HERC2: variants seen among roughly 807,000 people sequenced by gnomAD.
The protein encoded by HERC2 is HECT and RLD domain containing E3 ubiquitin protein ligase 2.
HERC2 carries 102 observed loss-of-function variants against 537.7 expected under a neutral mutation model. That is an observed-to-expected ratio of 0.19 (90% CI 0.16 to 0.22). The LOEUF is 0.22. Ranked by LOEUF, HERC2 falls within the 10% of genes least tolerant of loss-of-function variation. The pLI is 1.00. For missense variants in HERC2, 4,236 were observed against 6,198.2 expected (o/e 0.68, Z 10.63); for synonymous variants, 2,224 against 2,466.2 (o/e 0.90, Z 2.91).
At chr15:28,116,634 C>T (rs577747543) in intron 88 of HERC2, 31 bp downstream of exon 88, 15 of 1,576,484 alleles carry the variant, frequency 9.5e-6, no homozygotes, top group East Asian at 6.7e-5. Context: ...CAGGCCACAG[C>T]GACACAGTCT....
chr15:28,162,655 T>G (rs1007708073), intron 69 of HERC2, among the ~76,000 whole-genome samples: 3 of 152,086 alleles, frequency 2.0e-5, no homozygotes, highest in African/African-American at 7.2e-5. Context: ...TTTGGGAGGC[T>G]GAGGCAGGTG....
chr15:28,149,365 C>A (rs112329737), intron 70 of HERC2, among the ~76,000 whole-genome samples: 3 of 149,422 alleles, frequency 2.0e-5, no homozygotes, highest in African/African-American at 7.5e-5. Flanking sequence ...AAAAAACACA[C>A]GCGGCTCCTA....
intron 10 of HERC2, 58 bp downstream of exon 10, chr15:28,270,637 A>G (rs1342231452): frequency 1.1e-5 from 17 of 1,531,610 alleles, no homozygotes; most frequent in Admixed American, 1.1e-4. Flanking sequence ...CCAGGATGAG[A>G]ACCTACAAGT....
chr15:28,224,370 C>T (rs1489601490), intron 35 of HERC2, among the ~76,000 whole-genome samples: 2 of 152,090 alleles, frequency 1.3e-5, no homozygotes, highest in Admixed American at 6.6e-5. Context: ...CATAGGCACA[C>T]ACCACTATGC....
chr15:28,254,344 G>C lies in HERC2; in HGVS notation c.3046C>G (p.Leu1016Val), dbSNP rs1483713921. Reference sequence around the variant, plus strand: ...AATACAGCTACTACGATTTACCTAAGAAGCTGTTGTATGAGCTGAACCAGA... The same window carrying C: ...AATACAGCTACTACGATTTACCTAACAAGCTGTTGTATGAGCTGAACCAGA... ...LPLVQLIQQL[L>V]RNIASQTVAR... is the part of the protein sequence containing the mutation. Residue 1016 changes from leucine to valine, a missense_variant, in exon 20 of 93, where the codon CTT (leucine) becomes GTT (valine). Transcript: ENST00000261609. 1 of 1,578,590 alleles carries C rather than the reference G, an allele frequency of 6.3e-7. No individual in the cohort carries two copies. Among genetic ancestry groups the C allele is most frequent in the East Asian group, 2.2e-5 (1 of 44,550 alleles).
chr15:28,129,552 G>C (rs978849123), intron 83 of HERC2, among the ~76,000 whole-genome samples: 1 of 152,218 alleles, frequency 6.6e-6, no homozygotes, highest in Non-Finnish European at 1.5e-5. Flanking sequence ...AGGGAACAGG[G>C]GATCCCTCCC....
intron 44 of HERC2, among the ~76,000 whole-genome samples, chr15:28,209,094 A>G (rs1314858469): frequency 2.0e-5 from 3 of 152,182 alleles, no homozygotes; most frequent in Admixed American, 2.0e-4. Flanking sequence ...CTGGGTCACT[A>G]TTTCACTAAA....
intron 79 of HERC2, among the ~76,000 whole-genome samples, chr15:28,134,286 T>C (rs550791365): frequency 1.0e-3 from 158 of 152,380 alleles, no homozygotes; most frequent in African/African-American, 3.5e-3. Flanking sequence ...TGTATACGTA[T>C]AGATGTACAA....
At chr15:28,267,956 G>T (rs565604301) in intron 12 of HERC2, among the ~76,000 whole-genome samples, 48 of 152,344 alleles carry the variant, frequency 3.2e-4, no homozygotes, top group African/African-American at 1.1e-3. Flanking sequence ...ACTCCATGGG[G>T]CTGGCAGACC....
intron 5 of HERC2, among the ~76,000 whole-genome samples, chr15:28,276,496 C>A (rs2075878298): frequency 6.6e-6 from 1 of 152,098 alleles, no homozygotes; most frequent in African/African-American, 2.4e-5. Context: ...CAAGTGTGGT[C>A]AGAGGAGGTG....
chr15:28,150,452 A>AGT (rs1892321830), intron 70 of HERC2, among the ~76,000 whole-genome samples: 3 of 151,960 alleles, frequency 2.0e-5, no homozygotes, highest in Admixed American at 6.6e-5. Context: ...CGGCCACACG[A>AGT]ACGTACATTC....
At chr15:28,262,754 G>C (rs2075448811) in intron 15 of HERC2, among the ~76,000 whole-genome samples, 164 bp downstream of exon 15, 1 of 152,200 alleles carries the variant, frequency 6.6e-6, no homozygotes, top group Admixed American at 6.5e-5. Flanking sequence ...TACCAAGCAG[G>C]CAGTAAAAGT....
At position 28,257,565 on chromosome 15, in the gene HERC2, G is replaced by A. The variant is rs566358210; in HGVS notation, c.2317-304C>T. On this transcript the variant is annotated intron_variant, in intron 16 of 92. Transcript: ENST00000261609. Reference sequence around the variant, plus strand: ...TGGCAGTGAGGATCTCCATCCACTTGAAGTGGTATAATAGCAACTCTAACT... The same window carrying A: ...TGGCAGTGAGGATCTCCATCCACTTAAAGTGGTATAATAGCAACTCTAACT... 2.2e-4 allele frequency among the ~76,000 whole-genome samples: 34 copies of A among 152,264 alleles called. No homozygotes were observed. The South Asian group carries it at 3.5e-3, about 16-fold the overall frequency.
intron 2 of HERC2, among the ~76,000 whole-genome samples, chr15:28,316,484 A>G (rs1248461726): frequency 1.3e-5 from 2 of 151,966 alleles, no homozygotes; most frequent in Non-Finnish European, 1.5e-5. Flanking sequence ...TACAAAAAAA[A>G]ATTTTTTTGC....
In HERC2 at chr15:28,126,031, C is replaced by T. The variant is rs562972104; in HGVS notation, c.12803-838G>A. ...TTCACCATGTGGGTCAGGCTGGTCT[C>T]GAACTCCTGACTTGGTGATCCACCT... is the stretch of plus-strand genomic sequence containing the variant. On this transcript the variant is annotated intron_variant, in intron 83 of 92. Transcript: ENST00000261609. Among the ~76,000 whole-genome samples the T allele has an allele frequency of 3.9e-5, 6 of 152,208 alleles. No individual in the cohort carries two copies. In the South Asian group the frequency reaches 1.0e-3, roughly 26 times the overall value.
In HERC2 at chr15:28,316,696, A is replaced by T. The variant is rs1341806894; in HGVS notation, c.72+4666T>A. On this transcript the variant is annotated intron_variant, in intron 2 of 92. Transcript: ENST00000261609. ...ACAAATTCTTTTATTTCTACATGTCATCTATCAACTGGATTATGAACCTGA... is the reference window on the plus strand; with the variant it reads ...ACAAATTCTTTTATTTCTACATGTCTTCTATCAACTGGATTATGAACCTGA... Among the ~76,000 whole-genome samples, 10 of 152,346 alleles carry T rather than the reference A, an allele frequency of 6.6e-5. No homozygotes were observed. The East Asian group carries it at 1.7e-3, about 26-fold the overall frequency.
At chr15:28,210,261 G>A (rs1244530691) in intron 44 of HERC2, among the ~76,000 whole-genome samples, 1 of 152,098 alleles carries the variant, frequency 6.6e-6, no homozygotes, top group Non-Finnish European at 1.5e-5. Context: ...AGCCTCCCAA[G>A]TAGCTAGAAC....
chr15:28,215,837 G>C (rs1325194478), intron 38 of HERC2, 35 bp from the exon 39 acceptor site: 4 of 1,306,372 alleles, frequency 3.1e-6, no homozygotes, highest in Non-Finnish European at 3.3e-6. Context: ...TTGGTAACAA[G>C]TCCCTAAAGA....
Position 28,130,173 on chromosome 15 carries a change from G to A in HERC2, c.12792C>T (p.Cys4264=). 1.2e-6 allele frequency: 2 copies of A among 1,614,106 alleles called. No individual in the cohort carries two copies. The highest frequency in any genetic ancestry group is 1.7e-6 in the Non-Finnish European group (2 of 1,180,026). The change falls in exon 83 of 93, where the codon TGC becomes TGT. Residue 4264 remains cysteine, a synonymous_variant. Coordinates refer to ENST00000261609, the MANE Select transcript of HERC2 (RefSeq NM_004667.6). ...IATGSLHCVC[C]TEDGEVYTWG... Reference sequence around the variant, plus strand: ...TGAGCCCCTACCTACCATCCTCTGTGCAGCACACACAGTGCAGGGAGCCAG... The same window carrying A: ...TGAGCCCCTACCTACCATCCTCTGTACAGCACACACAGTGCAGGGAGCCAG...
Sources: allele counts gnomAD v4.1 joint callset (sites outside exome capture counted in the v4.1 genomes callset), GRCh38; gene constraint gnomAD v4.1.1; transcripts MANE v1.5; gene names NCBI Gene and HGNC (gene_info 2026-07-23, HGNC 2026-07-21).